MPEG1: variants seen among roughly 807,000 people sequenced by gnomAD.
The protein encoded by MPEG1 is macrophage expressed 1.
For missense variants in MPEG1, 876 were observed against 880.3 expected (o/e 1.00, Z 0.06); for synonymous variants, 365 against 351.9 (o/e 1.04, Z -0.42).
rs973271602 is a variant in MPEG1 at position 59,210,615 on chromosome 11, T to C, written c.*100A>G. 10 of 1,054,222 alleles carry C rather than the reference T, an allele frequency of 9.5e-6. No individual in the cohort carries two copies. The highest frequency in any genetic ancestry group is 1.4e-5 in the Non-Finnish European group (10 of 707,164). 65.3% of individuals were successfully genotyped at this position (1,054,222 alleles called of 1,614,324 possible). ...AGACCTAAACAAGAAGTCACGAATA[T>C]ACCTACTTTTGGTTGCACTTGCCAT... On this transcript the variant is annotated 3_prime_UTR_variant, in exon 1 of 1. Transcript: ENST00000361050.
At position 59,210,637 on chromosome 11, in the gene MPEG1, C is replaced by G; in HGVS notation, c.*78G>C. On this transcript the variant is annotated 3_prime_UTR_variant, in exon 1 of 1. Transcript: ENST00000361050. ...ATATACCTACTTTTGGTTGCACTTG[C>G]CATTTCAATGCTTAGGAAAACAGAG... 7.3e-7 allele frequency: 1 copy of G among 1,369,696 alleles called. No homozygotes were observed. Among genetic ancestry groups the G allele is most frequent in the Non-Finnish European group, 1.0e-6 (1 of 988,260 alleles). 84.8% of individuals were successfully genotyped at this position (1,369,696 alleles called of 1,614,324 possible).
Position 59,210,506 on chromosome 11 carries a change from GA to G in MPEG1, c.*208del. ...ACATCTGCTTCCTATTTTAGTCCCA[GA>G]ATCACTTTTGCTTCTAGTCCCAACT... On this transcript the variant is annotated 3_prime_UTR_variant, in exon 1 of 1. Transcript: ENST00000361050. 1.8e-6 allele frequency: 1 copy of G among 556,312 alleles called. No individual in the cohort carries two copies. Among genetic ancestry groups the G allele is most frequent in the South Asian group, 2.6e-5 (1 of 38,278 alleles). The allele number at this position is 556,312 out of a possible 1,614,324, so 34.5% of individuals were successfully genotyped here. A position where few individuals can be genotyped will look rare whatever the true frequency, so the allele number is the denominator to read the frequency against.
rs201189180 is a variant in MPEG1 at position 59,211,628 on chromosome 11, G to A, written c.1238C>T (p.Pro413Leu). Residue 413 changes from proline to leucine, a missense_variant, in exon 1 of 1, where the codon CCC becomes CTC. Coordinates refer to ENST00000361050, the MANE Select transcript of MPEG1 (RefSeq NM_001039396.2). ...KNPLTGDFSC[P>L]SGYSPVHLLS... is the part of the protein sequence containing the mutation. ...CAGGTGCACCGGGGAGTAGCCAGAG[G>A]GGCAGGAGAAATCACCAGTGAGTGG... The A allele has an allele frequency of 1.8e-4, 296 of 1,614,188 alleles. No homozygotes were observed. The African/African-American group carries it at 3.7e-3, about 20-fold the overall frequency.
chr11:59,212,777 C>T lies in MPEG1; in HGVS notation c.89G>A (p.Gly30Glu). 1.2e-6 allele frequency: 2 copies of T among 1,614,188 alleles called. No homozygotes were observed. Among genetic ancestry groups the T allele is most frequent in the African/African-American group, 1.3e-5 (1 of 75,042 alleles). Reference protein sequence around the residue: ...GKPSGEMDEVGVQKCKNALKL... With the variant: ...GKPSGEMDEVEVQKCKNALKL... ...CAAGGCATTCTTGCATTTTTGAACT[C>T]CAACTTCGTCCATCTCTCCCGAAGG... Residue 30 changes from glycine (G) to glutamate (E), a missense_variant, in exon 1 of 1, where the codon GGA (glycine) becomes GAA (glutamate). Gly to Glu is a moderately conservative substitution (Grantham distance 98). Coordinates refer to ENST00000361050, the MANE Select transcript of MPEG1 (RefSeq NM_001039396.2).
Position 59,212,219 on chromosome 11 carries a change from A to G in MPEG1, c.647T>C (p.Ile216Thr). ...GGAGGCCCTGAGGTGGTCCTCCTGA[A>G]TAAGAGCAGCCCCAGCGTCGACACT... ...TTSVDAGAAL[I>T]QEDHLRASFL... is the part of the protein sequence containing the mutation. The change falls in exon 1 of 1, where the codon ATT becomes ACT. Residue 216 changes from isoleucine (I) to threonine (T), a missense_variant. Ile to Thr is a moderately conservative substitution (Grantham distance 89). Coordinates refer to ENST00000361050, the MANE Select transcript of MPEG1 (RefSeq NM_001039396.2). The G allele has an allele frequency of 6.2e-7, 1 of 1,613,920 alleles. No homozygotes were observed. Among genetic ancestry groups the G allele is most frequent in the Non-Finnish European group, 8.5e-7 (1 of 1,180,022 alleles).
chr11:59,209,490 C>G lies in MPEG1; in HGVS notation c.*1225G>C, dbSNP rs1005312122. On this transcript the variant is annotated 3_prime_UTR_variant, in exon 1 of 1. Transcript: ENST00000361050. ...CTCTCACCAGATGACAATTATGCAT[C>G]CTGCTAGATGCCCCAGGGCTGTCAG... 27 of 152,276 alleles carry G rather than the reference C, an allele frequency of 1.8e-4. No individual in the cohort carries two copies. The highest frequency in any genetic ancestry group is 6.0e-4 in the African/African-American group (25 of 41,562). The allele number at this position is 152,276 out of a possible 1,614,324, so 9.4% of individuals were successfully genotyped here.
rs200960951 is a variant in MPEG1, at chr11:59,212,499, A to G, written c.367T>C (p.Ser123Pro). 55 of 1,613,982 alleles carry G rather than the reference A, an allele frequency of 3.4e-5. No homozygotes were observed. In the African/African-American group the frequency reaches 6.8e-4, roughly 20 times the overall value. The stretch of plus-strand genomic sequence containing the variant: ...GTGGAAAACTTGCCATTGACTTTGG[A>G]AAAAAGAGAGAGTTCTGTGTTGATG... ...YSINTELSLF[S>P]KVNGKFSTEF... is the part of the protein sequence containing the mutation. The change falls in exon 1 of 1, where the codon TCC becomes CCC. Residue 123 changes from serine (S) to proline (P), a missense_variant. Physicochemically the swap from Ser to Pro is moderately conservative, Grantham distance 74 (BLOSUM62 -1). Transcript: ENST00000361050.
rs533259331 is a variant in MPEG1, at chr11:59,209,076, T to C, written c.*1639A>G. ...AGAACCCACAAAACACTCAGAGGTT[T>C]AGGAGAATGTTTTAATGCTTAAGAG... On this transcript the variant is annotated 3_prime_UTR_variant, in exon 1 of 1. Coordinates refer to ENST00000361050, the MANE Select transcript of MPEG1 (RefSeq NM_001039396.2). The C allele has an allele frequency of 1.3e-5, 2 of 152,236 alleles. No individual in the cohort carries two copies. Among genetic ancestry groups the C allele is most frequent in the African/African-American group, 4.8e-5 (2 of 41,522 alleles). The allele number at this position is 152,236 out of a possible 1,614,324, so 9.4% of individuals were successfully genotyped here.
Position 59,210,939 on chromosome 11 carries a change from T to A in MPEG1, c.1927A>T (p.Asn643Tyr). ...CCACCACCATCCCCATGGATGACAT[T>A]CATGGCCCTCCGCAGCTCTATCGGT... The part of the protein sequence containing the change: ...GEPIELRRAM[N>Y]VIHGDGGGLS... Residue 643 changes from asparagine (N) to tyrosine (Y), a missense_variant, in exon 1 of 1, where the codon AAT (asparagine) becomes TAT (tyrosine). Asn to Tyr is a moderately radical substitution (Grantham distance 143, BLOSUM62 -2). Coordinates refer to ENST00000361050, the MANE Select transcript of MPEG1 (RefSeq NM_001039396.2). The A allele has an allele frequency of 6.2e-7, 1 of 1,614,120 alleles. No individual in the cohort carries two copies. The highest frequency in any genetic ancestry group is 8.5e-7 in the Non-Finnish European group (1 of 1,180,016).
chr11:59,212,471 T>C lies in MPEG1; in HGVS notation c.395A>G (p.Glu132Gly). The part of the protein sequence containing the change: ...FSKVNGKFST[E>G]FQRMKTLQVK... ...TTGGAGGGTCTTCATCCTCTGGAAC[T>C]CAGTGGAAAACTTGCCATTGACTTT... The change falls in exon 1 of 1, where the codon GAG (glutamate) becomes GGG (glycine). Residue 132 changes from glutamate (E) to glycine (G), a missense_variant. Transcript: ENST00000361050. The C allele has an allele frequency of 6.2e-7, 1 of 1,614,254 alleles. No individual in the cohort carries two copies. The highest frequency in any genetic ancestry group is 8.5e-7 in the Non-Finnish European group (1 of 1,180,054).
rs1233457377 is a variant in MPEG1 at position 59,211,601 on chromosome 11, A to T, written c.1265T>A (p.Leu422Ter). 1 of 1,614,188 alleles carries T rather than the reference A, an allele frequency of 6.2e-7. No homozygotes were observed. The highest frequency in any genetic ancestry group is 1.1e-5 in the South Asian group (1 of 91,082). The change falls in exon 1 of 1, where the codon TTA becomes TAA. Residue 422 changes from leucine to a stop codon, truncating the protein, a stop_gained. Transcript: ENST00000361050. LOFTEE classifies it low-confidence loss of function (END_TRUNC). ...CPSGYSPVHLLSQIHEEGYNH... is the reference protein window; with the variant it reads ...CPSGYSPVHL ...GTAACCCTCCTCGTGGATCTGGGAT[A>T]ACAGGTGCACCGGGGAGTAGCCAGA...
At position 59,211,673 on chromosome 11, in the gene MPEG1, T is replaced by G. The variant is rs368389856; in HGVS notation, c.1193A>C (p.Gln398Pro). ...GAGTGGATTCTTCTGCTCCAACTTTTGGCAGAGGAGGACATCCCTATTCCC... is the reference window on the plus strand; with the variant it reads ...GAGTGGATTCTTCTGCTCCAACTTTGGGCAGAGGAGGACATCCCTATTCCC... ...LSGNRDVLLCQKLEQKNPLTG... is the reference protein window; with the variant it reads ...LSGNRDVLLCPKLEQKNPLTG... Residue 398 changes from glutamine (Q) to proline (P), a missense_variant, in exon 1 of 1, where the codon CAA becomes CCA. Physicochemically the swap from Gln to Pro is moderately conservative, Grantham distance 76. Transcript: ENST00000361050. 9.9e-6 allele frequency: 16 copies of G among 1,614,080 alleles called. No homozygotes were observed. The highest frequency in any genetic ancestry group is 4.4e-5 in the South Asian group (4 of 91,076).
Position 59,210,636 on chromosome 11 carries a change from G to T in MPEG1, c.*79C>A. ...AATATACCTACTTTTGGTTGCACTT[G>T]CCATTTCAATGCTTAGGAAAACAGA... On this transcript the variant is annotated 3_prime_UTR_variant, in exon 1 of 1. Coordinates refer to ENST00000361050, the MANE Select transcript of MPEG1 (RefSeq NM_001039396.2). 7.4e-7 allele frequency: 1 copy of T among 1,346,374 alleles called. No individual in the cohort carries two copies. The highest frequency in any genetic ancestry group is 1.0e-6 in the Non-Finnish European group (1 of 966,868). 83.4% of individuals were successfully genotyped at this position (1,346,374 alleles called of 1,614,324 possible).
Position 59,212,694 on chromosome 11 carries a change from C to A in MPEG1, c.172G>T (p.Asp58Tyr). ...GTCAATTCCATAACTCGTCCCATGT[C>A]CACATTCCGCAGATTGTCCCAGCCC... ...GGGWDNLRNV[D>Y]MGRVMELTYS... The change falls in exon 1 of 1, where the codon GAC becomes TAC. Residue 58 changes from aspartate (D) to tyrosine (Y), a missense_variant. Transcript: ENST00000361050. 6.2e-7 allele frequency: 1 copy of A among 1,614,240 alleles called. No individual in the cohort carries two copies. Among genetic ancestry groups the A allele is most frequent in the South Asian group, 1.1e-5 (1 of 91,086 alleles).
Position 59,211,546 on chromosome 11 carries a change from A to T in MPEG1, c.1320T>A (p.Thr440=), listed in dbSNP as rs751241380. Reference sequence around the variant, plus strand: ...ACACGGTCTTGCAGAAGACGAGGAGAGTGCACTTTCGATGACACTCCAGGT... The same window carrying T: ...ACACGGTCTTGCAGAAGACGAGGAGTGTGCACTTTCGATGACACTCCAGGT... ...YNHLECHRKC[T]LLVFCKTVCE... is the part of the protein sequence containing the mutation. Residue 440 remains threonine (T), a synonymous_variant, in exon 1 of 1, where the codon ACT becomes ACA. Transcript: ENST00000361050. 6 of 1,614,072 alleles carry T rather than the reference A, an allele frequency of 3.7e-6. No homozygotes were observed. The highest frequency in any genetic ancestry group is 5.1e-6 in the Non-Finnish European group (6 of 1,180,048).
Position 59,211,253 on chromosome 11 carries a change from T to G in MPEG1, c.1613A>C (p.Asn538Thr), listed in dbSNP as rs762079398. 1 of 1,613,670 alleles carries G rather than the reference T, an allele frequency of 6.2e-7. No individual in the cohort carries two copies. Among genetic ancestry groups the G allele is most frequent in the African/African-American group, 1.3e-5 (1 of 74,746 alleles). Residue 538 changes from asparagine (N) to threonine (T), a missense_variant, in exon 1 of 1, where the codon AAC (asparagine) becomes ACC (threonine). Physicochemically the swap from Asn to Thr is moderately conservative, Grantham distance 65 (BLOSUM62 0). Coordinates refer to ENST00000361050, the MANE Select transcript of MPEG1 (RefSeq NM_001039396.2). ...GGATATAGCAGGATCTACCAGGGGG[T>G]TCCCAACTGTGCAGCTAAAGAACCC... is the stretch of plus-strand genomic sequence containing the variant. ...FGGFFSCTVG[N>T]PLVDPAISRD... is the part of the protein sequence containing the mutation.
chr11:59,210,610 G>A lies in MPEG1; in HGVS notation c.*105C>T, dbSNP rs962248904. The A allele has an allele frequency of 2.0e-5, 20 of 1,022,810 alleles. No individual in the cohort carries two copies. Among genetic ancestry groups the A allele is most frequent in the Middle Eastern group, 6.4e-4 (2 of 3,124 alleles). The allele number at this position is 1,022,810 out of a possible 1,614,324, so 63.4% of individuals were successfully genotyped here. A position where few individuals can be genotyped will look rare whatever the true frequency, so the allele number is the denominator to read the frequency against. On this transcript the variant is annotated 3_prime_UTR_variant, in exon 1 of 1. Coordinates refer to ENST00000361050, the MANE Select transcript of MPEG1 (RefSeq NM_001039396.2). ...CCCAGAGACCTAAACAAGAAGTCAC[G>A]AATATACCTACTTTTGGTTGCACTT...
chr11:59,211,084 T>C lies in MPEG1; in HGVS notation c.1782A>G (p.Pro594=). The C allele has an allele frequency of 3.7e-6, 6 of 1,614,030 alleles. No homozygotes were observed. The highest frequency in any genetic ancestry group is 5.1e-6 in the Non-Finnish European group (6 of 1,180,000). ...TCATGAGGGGTGGCCGGGTGAAAGG[T>C]GGGAGCCTGGCAGGGGGCAGGGACC... The part of the protein sequence containing the change: ...TGGSLPPARL[P]PFTRPPLMSQ... The change falls in exon 1 of 1, where the codon CCA becomes CCG. Residue 594 remains proline, a synonymous_variant. Transcript: ENST00000361050.
At position 59,211,091 on chromosome 11, in the gene MPEG1, C is replaced by T; in HGVS notation, c.1775G>A (p.Arg592Lys). Reference protein sequence around the residue: ...LFTGGSLPPARLPPFTRPPLM... With the variant: ...LFTGGSLPPAKLPPFTRPPLM... Reference sequence around the variant, plus strand: ...GGGTGGCCGGGTGAAAGGTGGGAGCCTGGCAGGGGGCAGGGACCCTCCTGT... The same window carrying T: ...GGGTGGCCGGGTGAAAGGTGGGAGCTTGGCAGGGGGCAGGGACCCTCCTGT... Residue 592 changes from arginine (R) to lysine (K), a missense_variant, in exon 1 of 1, where the codon AGG (arginine) becomes AAG (lysine). Physicochemically the swap from Arg to Lys is conservative, Grantham distance 26. Coordinates refer to ENST00000361050, the MANE Select transcript of MPEG1 (RefSeq NM_001039396.2). 6.2e-7 allele frequency: 1 copy of T among 1,614,182 alleles called. No individual in the cohort carries two copies. Among genetic ancestry groups the T allele is most frequent in the Non-Finnish European group, 8.5e-7 (1 of 1,180,036 alleles).
Sources: allele counts gnomAD v4.1 joint callset, GRCh38; gene constraint gnomAD v4.1.1; transcripts MANE v1.5; gene names NCBI Gene and HGNC (gene_info 2026-07-23, HGNC 2026-07-21).